Variants in FLG observed in about 807,000 individuals in gnomAD.
FLG encodes the protein filaggrin.
Under a neutral mutation model 3.8 loss-of-function variants are expected in FLG, and 6 were observed. The ratio of observed to expected loss-of-function variants is 1.60; its 90% CI spans 0.87 to 3.15. The LOEUF is 3.15. Among genes scored for constraint, FLG ranks in the 30% most tolerant of loss-of-function variants. The probability of loss-of-function intolerance (pLI) is 0.00; values close to 1 mark genes in which losing one functional copy is unlikely to be tolerated. For missense variants in FLG, 7,595 were observed against 5,050.9 expected (o/e 1.50, Z -15.27); for synonymous variants, 2,551 against 1,931.6 (o/e 1.32, Z -8.41).
chr1:152,323,936 T>C (rs1653062234), intron 1 of FLG, among the ~76,000 whole-genome samples: 1 of 151,812 alleles, frequency 6.6e-6, no homozygotes, highest in African/African-American at 2.4e-5. Context: ...GATAACATAA[T>C]AGTCAGTGTT....
Position 152,305,233 on chromosome 1 carries a change from T to G in FLG, c.9653A>C (p.Asp3218Ala). 1 of 1,613,206 alleles carries G rather than the reference T, an allele frequency of 6.2e-7. No individual in the cohort carries two copies. Among genetic ancestry groups the G allele is most frequent in the East Asian group, 2.2e-5 (1 of 44,738 alleles). Residue 3218 changes from aspartate (D) to alanine (A), a missense_variant, in exon 3 of 3, where the codon GAC (aspartate) becomes GCC (alanine). Asp to Ala is a moderately radical substitution (Grantham distance 126). Transcript: ENST00000368799. ...TTCTGAATGTCCCTCACTGTCACTG[T>G]CCTGGCTCACACTGGATCCCTGGCG... The part of the protein sequence containing the change: ...SRRQGSSVSQ[D>A]SDSEGHSEDS...
Position 152,304,285 on chromosome 1 carries a change from T to G in FLG, c.10601A>C (p.Asn3534Thr), listed in dbSNP as rs567405841. 4.5e-6 allele frequency: 7 copies of G among 1,546,404 alleles called. No individual in the cohort carries two copies. Among genetic ancestry groups the G allele is most frequent in the East Asian group, 2.4e-5 (1 of 41,800 alleles). The change falls in exon 3 of 3, where the codon AAC becomes ACC. Residue 3534 changes from asparagine (N) to threonine (T), a missense_variant. Coordinates refer to ENST00000368799, the MANE Select transcript of FLG (RefSeq NM_002016.2). ...GTCCTGGCTAACACTGGATCCCTGGTTCCTGCTTGTCCTGGGCCCCGCTGA... is the reference window on the plus strand; with the variant it reads ...GTCCTGGCTAACACTGGATCCCTGGGTCCTGCTTGTCCTGGGCCCCGCTGA... ...GQSAGPRTSRNQGSSVSQDSD... is the reference protein window; with the variant it reads ...GQSAGPRTSRTQGSSVSQDSD...
rs780030567 is a variant in FLG, at chr1:152,304,462, G to A, written c.10424C>T (p.Ala3475Val). ...SHTTSQGRSD[A>V]SRGQSGSRSA... is the part of the protein sequence containing the mutation. ...TCTGGATCCTGACTGCCCACGGGAG[G>A]CATCAGACCTTCCCTGGGATGTGGT... Residue 3475 changes from alanine (A) to valine (V), a missense_variant, in exon 3 of 3, where the codon GCC becomes GTC. Transcript: ENST00000368799. The A allele has an allele frequency of 1.9e-6, 3 of 1,612,362 alleles. No homozygotes were observed. The highest frequency in any genetic ancestry group is 2.5e-6 in the Non-Finnish European group (3 of 1,179,530).
rs774585950 is a variant in FLG, at chr1:152,305,219, C to T, written c.9667G>A (p.Gly3223Arg). 1.2e-6 allele frequency: 2 copies of T among 1,613,378 alleles called. No homozygotes were observed. Among genetic ancestry groups the T allele is most frequent in the Non-Finnish European group, 1.7e-6 (2 of 1,179,860 alleles). Residue 3223 changes from glycine to arginine, a missense_variant, in exon 3 of 3, where the codon GGA (glycine) becomes AGA (arginine). Coordinates refer to ENST00000368799, the MANE Select transcript of FLG (RefSeq NM_002016.2). ...SSVSQDSDSE[G>R]HSEDSERWSG... ...CACCTCTCAGAGTCTTCTGAATGTC[C>T]CTCACTGTCACTGTCCTGGCTCACA...
intron 1 of FLG, among the ~76,000 whole-genome samples, chr1:152,317,152 A>G (rs3120657): frequency 0.07 from 10,572 of 152,020 alleles, 1,263 homozygotes; most frequent in African/African-American, 0.24. Context: ...CTACTTTCTC[A>G]TATGCATCAT....
chr1:152,309,113 G>A lies in FLG; in HGVS notation c.5773C>T (p.Gln1925Ter), dbSNP rs142332759. The A allele has an allele frequency of 1.9e-5, 30 of 1,613,508 alleles. No homozygotes were observed. The South Asian group carries it at 3.3e-4, about 18-fold the overall frequency. Residue 1925 changes from glutamine (Q) to a stop codon, truncating the protein, a stop_gained, in exon 3 of 3, where the codon CAG becomes TAG. Transcript: ENST00000368799. LOFTEE classifies it low-confidence loss of function (END_TRUNC). ...CTCTCAGAGTCTTCTGAGTGTCCCT[G>A]ACTGTCACTGTCCTGGCTAACACTG... ...GSSVSQDSDSQGHSEDSERWS... is the reference protein window; with the variant it reads ...GSSVSQDSDS
Position 152,313,515 on chromosome 1 carries a change from C to T in FLG, c.1371G>A (p.Arg457=). Residue 457 remains arginine, a synonymous_variant, in exon 3 of 3, where the codon CGG becomes CGA. Coordinates refer to ENST00000368799, the MANE Select transcript of FLG (RefSeq NM_002016.2). The stretch of plus-strand genomic sequence containing the variant: ...CTGAACGTCCAGACCGTTCCCCTGA[C>T]CGGCCACGTGTGGACTCTTGGTGGC... The part of the protein sequence containing the change: ...QQSHQESTRG[R]SGERSGRSGS... The T allele has an allele frequency of 1.2e-6, 2 of 1,613,980 alleles. No homozygotes were observed. The highest frequency in any genetic ancestry group is 1.7e-6 in the Non-Finnish European group (2 of 1,179,996).
Position 152,308,898 on chromosome 1 carries a change from C to T in FLG, c.5988G>A (p.Gln1996=). The T allele has an allele frequency of 2.5e-6, 4 of 1,614,170 alleles. No homozygotes were observed. The highest frequency in any genetic ancestry group is 3.4e-6 in the Non-Finnish European group (4 of 1,180,012). ...GTCTTTCTCCTGCACTTGATCTTGCCTGTTCATGGGATGACGCAGCCTGTC... is the reference window on the plus strand; with the variant it reads ...GTCTTTCTCCTGCACTTGATCTTGCTTGTTCATGGGATGACGCAGCCTGTC... ...SRGQAASSHE[Q]ARSSAGERHG... The change falls in exon 3 of 3, where the codon CAG becomes CAA. Residue 1996 remains glutamine (Q), a synonymous_variant. Coordinates refer to ENST00000368799, the MANE Select transcript of FLG (RefSeq NM_002016.2).
In FLG at chr1:152,307,968, A is replaced by G. The variant is rs139606523; in HGVS notation, c.6918T>C (p.His2306=). The G allele has an allele frequency of 3.4e-4, 550 of 1,613,972 alleles. 1 individual carries two copies. Among genetic ancestry groups the G allele is most frequent in the African/African-American group, 1.1e-3 (84 of 74,904 alleles). Residue 2306 remains histidine, a synonymous_variant, in exon 3 of 3, where the codon CAT becomes CAC. Transcript: ENST00000368799. ...CCTGTCCACCAGAGGAATTCTCTGC[A>G]TGATGAGTGCCTGATTGTCTGGAGC... ...AESSRQSGTH[H]AENSSGGQAA...
intron 2 of FLG, 122 bp from the exon 3 acceptor site, chr1:152,314,869 T>C (rs2101653914): frequency 3.0e-6 from 4 of 1,315,000 alleles, no homozygotes; most frequent in East Asian, 2.3e-5. Context: ...CAAAATCTTT[T>C]TTTTTTTTAA....
Position 152,305,291 on chromosome 1 carries a change from G to A in FLG, c.9595C>T (p.Gln3199Ter), listed in dbSNP as rs1553211362. The A allele has an allele frequency of 6.2e-7, 1 of 1,611,620 alleles. No homozygotes were observed. Among genetic ancestry groups the A allele is most frequent in the African/African-American group, 1.4e-5 (1 of 74,048 alleles). Reference sequence around the variant, plus strand: ...CTCCTGGACCCCTCTGATTGTCCCTGGACTGCCTGTGAGTGTCTAGAGATG... The same window carrying A: ...CTCCTGGACCCCTCTGATTGTCCCTAGACTGCCTGTGAGTGTCTAGAGATG... ...ADISRHSQAV[Q>*]GQSEGSRRSR... Residue 3199 changes from glutamine (Q) to a stop codon, truncating the protein, a stop_gained, in exon 3 of 3, where the codon CAG becomes TAG. Coordinates refer to ENST00000368799, the MANE Select transcript of FLG (RefSeq NM_002016.2). LOFTEE classifies it low-confidence loss of function (END_TRUNC).
chr1:152,311,734 C>A lies in FLG; in HGVS notation c.3152G>T (p.Arg1051Leu), dbSNP rs750417691. Residue 1051 changes from arginine to leucine, a missense_variant, in exon 3 of 3, where the codon CGC becomes CTC. Arg to Leu is a moderately radical substitution (Grantham distance 102). Coordinates refer to ENST00000368799, the MANE Select transcript of FLG (RefSeq NM_002016.2). ...ADSSRHSGIP[R>L]RQASSAVRDS... ...TCTGACTGCAGATGAAGCTTGTCTGCGCGGAATGCCTGAGTGTCTGGAGCT... is the reference window on the plus strand; with the variant it reads ...TCTGACTGCAGATGAAGCTTGTCTGAGCGGAATGCCTGAGTGTCTGGAGCT... 6 of 1,613,738 alleles carry A rather than the reference C, an allele frequency of 3.7e-6. No homozygotes were observed. The African/African-American group carries it at 8.0e-5, about 22-fold the overall frequency.
rs1167916089 is a variant in FLG, at chr1:152,307,359, T to A, written c.7527A>T (p.Gly2509=). The change falls in exon 3 of 3, where the codon GGA becomes GGT. Residue 2509 remains glycine (G), a synonymous_variant. Coordinates refer to ENST00000368799, the MANE Select transcript of FLG (RefSeq NM_002016.2). ...GRSDASHGHS[G]SRSASRQTRN... is the part of the protein sequence containing the mutation. The stretch of plus-strand genomic sequence containing the variant: ...GAGTTTGTCTGCTTGCACTTCTGGA[T>A]CCTGAGTGCCCATGGGAGGCATCAG... 6.2e-7 allele frequency: 1 copy of A among 1,612,940 alleles called. No homozygotes were observed. Among genetic ancestry groups the A allele is most frequent in the Non-Finnish European group, 8.5e-7 (1 of 1,179,628 alleles).
intron 1 of FLG, among the ~76,000 whole-genome samples, chr1:152,324,267 C>A (rs1273390492): frequency 6.6e-6 from 1 of 151,766 alleles, no homozygotes; most frequent in Non-Finnish European, 1.5e-5. Context: ...CTGCTTAATA[C>A]CCCTTTAAGT....
In FLG at chr1:152,307,285, T is replaced by G. The variant is rs1350172013; in HGVS notation, c.7601A>C (p.His2534Pro). ...GDGSRHSGSRHHEASSRADSS... is the reference protein window; with the variant it reads ...GDGSRHSGSRPHEASSRADSS... ...GTCGGCCCGAGAGGAAGCTTCATGGTGACGCGACCCTGAGTGCCTGGAGCC... is the reference window on the plus strand; with the variant it reads ...GTCGGCCCGAGAGGAAGCTTCATGGGGACGCGACCCTGAGTGCCTGGAGCC... Residue 2534 changes from histidine (H) to proline (P), a missense_variant, in exon 3 of 3, where the codon CAC (histidine) becomes CCC (proline). By Grantham distance (77) the His-to-Pro change is moderately conservative. Coordinates refer to ENST00000368799, the MANE Select transcript of FLG (RefSeq NM_002016.2). 2 of 1,613,508 alleles carry G rather than the reference T, an allele frequency of 1.2e-6. No individual in the cohort carries two copies.
chr1:152,311,713 A>G lies in FLG; in HGVS notation c.3173T>C (p.Val1058Ala). The part of the protein sequence containing the change: ...GIPRRQASSA[V>A]RDSGHWGSSG... ...GGACCCCCAGTGTCCACTGTCTCTG[A>G]CTGCAGATGAAGCTTGTCTGCGCGG... The change falls in exon 3 of 3, where the codon GTC becomes GCC. Residue 1058 changes from valine (V) to alanine (A), a missense_variant. Transcript: ENST00000368799. The G allele has an allele frequency of 6.2e-7, 1 of 1,613,700 alleles. No individual in the cohort carries two copies. The highest frequency in any genetic ancestry group is 8.5e-7 in the Non-Finnish European group (1 of 1,179,920).
chr1:152,305,021 A>T lies in FLG; in HGVS notation c.9865T>A (p.Ser3289Thr), dbSNP rs752880572. The change falls in exon 3 of 3, where the codon TCA becomes ACA. Residue 3289 changes from serine to threonine, a missense_variant. Physicochemically the swap from Ser to Thr is moderately conservative, Grantham distance 58 (BLOSUM62 1). Coordinates refer to ENST00000368799, the MANE Select transcript of FLG (RefSeq NM_002016.2). ...CTTGATCTTGCCTGTTCATGGGATGATGCAGCCTGTCCACCAGAGGAAGTC... is the reference window on the plus strand; with the variant it reads ...CTTGATCTTGCCTGTTCATGGGATGTTGCAGCCTGTCCACCAGAGGAAGTC... ...AETSSGGQAA[S>T]SHEQARSSPG... The T allele has an allele frequency of 6.2e-7, 1 of 1,613,550 alleles. No individual in the cohort carries two copies. The highest frequency in any genetic ancestry group is 8.5e-7 in the Non-Finnish European group (1 of 1,179,942).
At position 152,302,593 on chromosome 1, in the gene FLG, A is replaced by G; in HGVS notation, c.*107T>C. The G allele has an allele frequency of 1.4e-6, 2 of 1,433,394 alleles. No individual in the cohort carries two copies. The highest frequency in any genetic ancestry group is 4.3e-5 in the Admixed American group (2 of 46,464). The allele number at this position is 1,433,394 out of a possible 1,614,324, so 88.8% of individuals were successfully genotyped here. A position where few individuals can be genotyped will look rare whatever the true frequency, so the allele number is the denominator to read the frequency against. ...AAATACTATAGCATATTTTAAACAG[A>G]TTGACAGGAAAAGATAACTTCCCTG... On this transcript the variant is annotated 3_prime_UTR_variant, in exon 3 of 3. Coordinates refer to ENST00000368799, the MANE Select transcript of FLG (RefSeq NM_002016.2).
Position 152,314,629 on chromosome 1 carries a change from T to C in FLG, c.257A>G (p.Tyr86Cys), listed in dbSNP as rs767524129. 2.5e-5 allele frequency: 41 copies of C among 1,614,014 alleles called. No individual in the cohort carries two copies. The highest frequency in any genetic ancestry group is 3.4e-5 in the Non-Finnish European group (40 of 1,180,004). Residue 86 changes from tyrosine to cysteine, a missense_variant, in exon 3 of 3, where the codon TAT becomes TGT. Tyr to Cys is a radical substitution (Grantham distance 194, BLOSUM62 -2). Coordinates refer to ENST00000368799, the MANE Select transcript of FLG (RefSeq NM_002016.2). ...TAAATTCTCTTTTCTGGTAGACTCA[T>C]AATATGCTTGAGCCAACTTGAATAC... ...LMVFKLAQAYYESTRKENLPI... is the reference protein window; with the variant it reads ...LMVFKLAQAYCESTRKENLPI...
Sources: allele counts gnomAD v4.1 joint callset (sites outside exome capture counted in the v4.1 genomes callset), GRCh38; gene constraint gnomAD v4.1.1; transcripts MANE v1.5; gene names NCBI Gene and HGNC (gene_info 2026-07-23, HGNC 2026-07-21).